BAZ2B: variants seen among roughly 807,000 people sequenced by gnomAD.
BAZ2B encodes the protein bromodomain adjacent to zinc finger domain protein 2B.
A neutral mutation model predicts 246.0 loss-of-function variants in BAZ2B; 91 were observed. That is an observed-to-expected ratio of 0.37 (90% CI 0.31 to 0.44). The LOEUF (loss-of-function observed/expected upper bound fraction) is 0.44. BAZ2B is among the 20% of genes least tolerant of loss of function. The pLI is 1.00. For synonymous variants in BAZ2B, 855 were observed against 860.0 expected (o/e 0.99, Z 0.10); for missense variants, 2,332 against 2,533.7 (o/e 0.92, Z 1.71).
chr2:159,546,591 C>T (rs540494821), intron 2 of BAZ2B, among the ~76,000 whole-genome samples: 3 of 150,760 alleles, frequency 2.0e-5, no homozygotes, highest in African/African-American at 7.3e-5. Context: ...TACAAGTGAA[C>T]CATTTACAAT....
chr2:159,620,774 A>G (rs996402414), upstream of BAZ2B, among the ~76,000 whole-genome samples: 33 of 152,298 alleles, frequency 2.2e-4, no homozygotes, highest in African/African-American at 7.7e-4. Flanking sequence ...TGTCATGACC[A>G]AGATGAAGGC....
intron 1 of BAZ2B, among the ~76,000 whole-genome samples, chr2:159,605,745 T>A (rs1693337842): frequency 6.6e-6 from 1 of 152,076 alleles, no homozygotes; most frequent in Non-Finnish European, 1.5e-5. Context: ...ATAATAAAAA[T>A]TTAAAAACAG....
In BAZ2B at chr2:159,350,094, C is replaced by T. The variant is rs748342943; in HGVS notation, c.4477G>A (p.Ala1493Thr). The part of the protein sequence containing the change: ...EVMTPKPNAG[A>T]NGCTLSYQNS... ...TGATAAGACAACGTGCACCCATTTG[C>T]ACCAGCATTTGGTTTGGGGGTCATA... The change falls in exon 28 of 37, where the codon GCA (alanine) becomes ACA (threonine). Residue 1493 changes from alanine (A) to threonine (T), a missense_variant. Coordinates refer to ENST00000392783, the MANE Select transcript of BAZ2B (RefSeq NM_013450.4). 6 of 1,613,982 alleles carry T rather than the reference C, an allele frequency of 3.7e-6. No homozygotes were observed. The East Asian group carries it at 1.1e-4, about 30-fold the overall frequency.
intron 2 of BAZ2B, among the ~76,000 whole-genome samples, chr2:159,487,247 A>T (rs1402227985): frequency 6.6e-6 from 1 of 152,204 alleles, no homozygotes; most frequent in Non-Finnish European, 1.5e-5. Flanking sequence ...ACCTACTCCC[A>T]GTAACCTTGA....
At chr2:159,447,458 AAGAT>A (rs1559456722) in intron 5 of BAZ2B, among the ~76,000 whole-genome samples, 5 of 152,222 alleles carry the variant, frequency 3.3e-5, no homozygotes, top group African/African-American at 7.2e-5. Flanking sequence ...AGTGAAAAGA[AAGAT>A]AGTAAATCAT....
At chr2:159,353,316 T>C (rs148310258) in intron 27 of BAZ2B, among the ~76,000 whole-genome samples, 73 of 152,256 alleles carry the variant, frequency 4.8e-4, no homozygotes, top group Admixed American at 8.5e-4. Flanking sequence ...CAGAAACAGA[T>C]AAAATACATG....
intron 3 of BAZ2B, among the ~76,000 whole-genome samples, chr2:159,475,573 T>C (rs1024789034): frequency 6.6e-6 from 1 of 152,188 alleles, no homozygotes; most frequent in African/African-American, 2.4e-5. Flanking sequence ...AAACTCATTC[T>C]TCATCCAGTT....
At chr2:159,431,403 CATG>C in intron 9 of BAZ2B, among the ~76,000 whole-genome samples, 1 of 152,170 alleles carries the variant, frequency 6.6e-6, no homozygotes, top group Non-Finnish European at 1.5e-5. Flanking sequence ...ACACTATTCA[CATG>C]ATGAGTTCTG....
At chr2:159,512,304 C>T (rs920733056) in intron 2 of BAZ2B, among the ~76,000 whole-genome samples, 3 of 152,104 alleles carry the variant, frequency 2.0e-5, no homozygotes, top group Non-Finnish European at 2.9e-5. Flanking sequence ...TATTTCGATC[C>T]AGAAGGCAAA....
In BAZ2B at chr2:159,389,483, T is replaced by C. The variant is rs368827897; in HGVS notation, c.3078A>G (p.Glu1026=). ...KAMEARKKAE[E]KERLKQEKRD... ...GTTTTTCTTGTTTCAACCGCTCTTTTTCCTTAAAAAGAAAACCATGTACAC... is the reference window on the plus strand; with the variant it reads ...GTTTTTCTTGTTTCAACCGCTCTTTCTCCTTAAAAAGAAAACCATGTACAC... The change falls in exon 21 of 37, where the codon GAA becomes GAG. Residue 1026 remains glutamate (E), a splice_region_variant and synonymous_variant. Transcript: ENST00000392783. The C allele has an allele frequency of 2.3e-5, 37 of 1,599,134 alleles. No individual in the cohort carries two copies. Among genetic ancestry groups the C allele is most frequent in the Non-Finnish European group, 2.9e-5 (34 of 1,174,596 alleles).
chr2:159,642,794 G>T, the BAZ2B span, among the ~76,000 whole-genome samples: 1 of 152,142 alleles, frequency 6.6e-6, no homozygotes, highest in Non-Finnish European at 1.5e-5. Flanking sequence ...TTAACGTAGG[G>T]AATGTTCACC....
chr2:159,646,732 T>A, the BAZ2B span, among the ~76,000 whole-genome samples: 1 of 152,104 alleles, frequency 6.6e-6, no homozygotes, highest in East Asian at 1.9e-4. Context: ...GGCCATGGGC[T>A]CATACCAATC....
At chr2:159,346,740 G>A (rs191063343) in intron 31 of BAZ2B, among the ~76,000 whole-genome samples, 2 of 152,052 alleles carry the variant, frequency 1.3e-5, no homozygotes, top group Admixed American at 1.3e-4. Flanking sequence ...CAGAACCTTA[G>A]CAGGTTCTAA....
intron 1 of BAZ2B, among the ~76,000 whole-genome samples, chr2:159,573,577 C>T (rs977344486): frequency 1.3e-5 from 2 of 152,072 alleles, no homozygotes; most frequent in Admixed American, 6.6e-5. Context: ...AAAATAAAGG[C>T]GTAAATCTTC....
At chr2:159,402,226 T>C (rs1187975086) in intron 16 of BAZ2B, among the ~76,000 whole-genome samples, 2 of 152,094 alleles carry the variant, frequency 1.3e-5, no homozygotes, top group African/African-American at 4.8e-5. Flanking sequence ...GGCGGGCAGA[T>C]CACCTGAGGT....
At chr2:159,595,596 A>G (rs1275498773) in intron 1 of BAZ2B, among the ~76,000 whole-genome samples, 1 of 152,244 alleles carries the variant, frequency 6.6e-6, no homozygotes, top group Non-Finnish European at 1.5e-5. Context: ...TTTTCTCTGT[A>G]AAACAGAAAT....
chr2:159,551,168 A>G (rs2088138159), intron 2 of BAZ2B, among the ~76,000 whole-genome samples: 1 of 152,116 alleles, frequency 6.6e-6, no homozygotes, highest in Non-Finnish European at 1.5e-5. Context: ...AGAAAAAGCC[A>G]CTTTATTTAA....
chr2:159,612,131 C>G (rs1390653844), intron 1 of BAZ2B, among the ~76,000 whole-genome samples: 1 of 151,836 alleles, frequency 6.6e-6, no homozygotes, highest in East Asian at 1.9e-4. Flanking sequence ...TATTTTAGAT[C>G]ATAGTTTGTA....
chr2:159,684,484 ATTAG>A, the BAZ2B span, among the ~76,000 whole-genome samples: 1 of 152,256 alleles, frequency 6.6e-6, no homozygotes, highest in South Asian at 2.1e-4. Context: ...AGAAGTAGTA[ATTAG>A]TTGGACAATA....
Sources: allele counts gnomAD v4.1 joint callset (sites outside exome capture counted in the v4.1 genomes callset), GRCh38; gene constraint gnomAD v4.1.1; transcripts MANE v1.5; gene names NCBI Gene and HGNC (gene_info 2026-07-23, HGNC 2026-07-21).